Variants in CTNND2 observed in about 807,000 individuals in gnomAD.
The protein encoded by CTNND2 is catenin delta 2, also known as catenin delta-2.
CTNND2 carries 22 observed loss-of-function variants against 144.4 expected under a neutral mutation model. That is an observed-to-expected ratio of 0.15 (90% CI 0.11 to 0.22). The LOEUF (loss-of-function observed/expected upper bound fraction) is 0.22, where lower values mean the gene tolerates loss of function less well. Among genes scored for constraint, CTNND2 ranks in the 10% least tolerant of loss-of-function variants. The probability of loss-of-function intolerance (pLI) is 1.00; values close to 1 mark genes in which losing one functional copy is unlikely to be tolerated. For synonymous variants in CTNND2, 751 were observed against 695.6 expected, an observed-to-expected ratio of 1.08 and a Z score of -1.25; for missense variants, 1,353 against 1,618.8, an observed-to-expected ratio of 0.84 and a Z score of 2.82.
intron 9 of CTNND2, among the ~76,000 whole-genome samples, chr5:11,240,714 C>A (rs1314002735): frequency 7.1e-6 from 1 of 141,610 alleles, no homozygotes; most frequent in East Asian, 2.3e-4. Context: ...ACACACACAC[C>A]CAAAACACAC....
chr5:11,224,901 T>C (rs1419497521), intron 10 of CTNND2, among the ~76,000 whole-genome samples: 1 of 152,232 alleles, frequency 6.6e-6, no homozygotes, highest in African/African-American at 2.4e-5. Flanking sequence ...TATCATACTT[T>C]CTCAGTCATT....
intron 18 of CTNND2, among the ~76,000 whole-genome samples, chr5:11,007,445 G>A (rs569598816): frequency 6.6e-6 from 1 of 152,336 alleles, no homozygotes; most frequent in Admixed American, 6.5e-5. Context: ...TTAACCTCGG[G>A]AACTGCTGGC....
chr5:11,695,136 T>C (rs1333751084), intron 2 of CTNND2, among the ~76,000 whole-genome samples: 1 of 152,128 alleles, frequency 6.6e-6, no homozygotes, highest in Non-Finnish European at 1.5e-5. Context: ...GAGGAGCCTA[T>C]AATAATAAAA....
At chr5:11,507,583 G>C (rs1404550877) in intron 3 of CTNND2, among the ~76,000 whole-genome samples, 2 of 152,186 alleles carry the variant, frequency 1.3e-5, no homozygotes, top group Non-Finnish European at 2.9e-5. Context: ...AGTCTGGAAG[G>C]GGATCAAGAG....
chr5:11,513,901 C>T (rs1353348743), intron 3 of CTNND2, among the ~76,000 whole-genome samples: 1 of 152,122 alleles, frequency 6.6e-6, no homozygotes, highest in Non-Finnish European at 1.5e-5. Flanking sequence ...GTATCAAATG[C>T]ACTGAAGACA....
intron 18 of CTNND2, among the ~76,000 whole-genome samples, chr5:10,993,682 CAGTT>C (rs1738965154): frequency 6.6e-6 from 1 of 152,078 alleles, no homozygotes; most frequent in Non-Finnish European, 1.5e-5. Flanking sequence ...TCTTGCCACA[CAGTT>C]AGCACCTAGT....
chr5:11,508,592 TTAG>T (rs773695250), intron 3 of CTNND2, among the ~76,000 whole-genome samples: 6 of 151,782 alleles, frequency 4.0e-5, no homozygotes, highest in Non-Finnish European at 7.4e-5. Context: ...ATACTTGGGG[TTAG>T]AAAAAAATAA....
intron 9 of CTNND2, among the ~76,000 whole-genome samples, chr5:11,326,713 A>G (rs892260050): frequency 6.6e-6 from 1 of 152,116 alleles, no homozygotes; most frequent in African/African-American, 2.4e-5. Flanking sequence ...CTGCATGACA[A>G]TGTGTAACAA....
At chr5:11,746,284 T>C (rs945155298) in intron 1 of CTNND2, among the ~76,000 whole-genome samples, 1 of 152,210 alleles carries the variant, frequency 6.6e-6, no homozygotes, top group Non-Finnish European at 1.5e-5. Context: ...ACCAAGACTT[T>C]TGTTGGCTGC....
At chr5:11,687,547 G>T (rs1784711315) in intron 2 of CTNND2, among the ~76,000 whole-genome samples, 1 of 152,212 alleles carries the variant, frequency 6.6e-6, no homozygotes, top group Non-Finnish European at 1.5e-5. Context: ...GTGATATGGA[G>T]GAGGTAGCTG....
At chr5:11,277,945 T>C (rs960633784) in intron 9 of CTNND2, among the ~76,000 whole-genome samples, 1 of 152,140 alleles carries the variant, frequency 6.6e-6, no homozygotes, top group Non-Finnish European at 1.5e-5. Context: ...AGCCAGCATA[T>C]CTACAACATT....
At chr5:11,452,896 T>C (rs904761903) in intron 3 of CTNND2, among the ~76,000 whole-genome samples, 16 of 152,218 alleles carry the variant, frequency 1.1e-4, no homozygotes, top group African/African-American at 3.6e-4. Context: ...CACTGATCAA[T>C]TGTAGGGTGA....
intron 21 of CTNND2, among the ~76,000 whole-genome samples, chr5:10,979,661 C>T (rs1157327124): frequency 1.3e-5 from 2 of 152,154 alleles, no homozygotes; most frequent in East Asian, 1.9e-4. Flanking sequence ...CATATACTCT[C>T]TCTCTCTCTC....
intron 9 of CTNND2, among the ~76,000 whole-genome samples, chr5:11,291,698 G>GT (rs1434377256): frequency 6.6e-6 from 1 of 152,028 alleles, no homozygotes; most frequent in Non-Finnish European, 1.5e-5. Flanking sequence ...TTCTCCAAAC[G>GT]TATCTCTAGC....
intron 2 of CTNND2, among the ~76,000 whole-genome samples, chr5:11,716,771 C>T (rs1436900519): frequency 6.6e-6 from 1 of 152,110 alleles, no homozygotes; most frequent in African/African-American, 2.4e-5. Context: ...ACCACAACCT[C>T]CTCCACCTAT....
intron 12 of CTNND2, among the ~76,000 whole-genome samples, chr5:11,151,645 T>G (rs1757768063): frequency 6.6e-6 from 1 of 152,220 alleles, no homozygotes; most frequent in Non-Finnish European, 1.5e-5. Context: ...GCAACCAAAT[T>G]ACAGGATACA....
chr5:11,450,806 G>A (rs1273331493), intron 3 of CTNND2, among the ~76,000 whole-genome samples: 1 of 147,998 alleles, frequency 6.8e-6, no homozygotes, highest in Non-Finnish European at 1.5e-5. Context: ...GCTGAGGCAG[G>A]AGAATCACTT....
intron 12 of CTNND2, among the ~76,000 whole-genome samples, chr5:11,145,843 C>T (rs980922050): frequency 2.0e-5 from 3 of 152,208 alleles, no homozygotes; most frequent in African/African-American, 7.2e-5. Flanking sequence ...TTTCCCCTCT[C>T]TGTCCCTCCC....
chr5:11,796,893 T>G (rs1791434522), intron 1 of CTNND2, among the ~76,000 whole-genome samples: 1 of 152,182 alleles, frequency 6.6e-6, no homozygotes, highest in South Asian at 2.1e-4. Flanking sequence ...GTGATAAAAC[T>G]TAAAAAGCAA....
Sources: gnomAD v4.1 joint callset for allele counts (sites outside exome capture counted in the v4.1 genomes callset) on GRCh38, gnomAD v4.1.1 for gene constraint, MANE v1.5 for transcripts, NCBI Gene and HGNC (gene_info 2026-07-23, HGNC 2026-07-21) for gene names.